AREL1: variants seen among roughly 807,000 people sequenced by gnomAD.
The protein encoded by AREL1 is apoptosis-resistant E3 ubiquitin protein ligase 1.
A neutral mutation model predicts 99.0 loss-of-function variants in AREL1; 62 were observed. The ratio of observed to expected loss-of-function variants is 0.63; its 90% CI spans 0.51 to 0.77. The LOEUF (loss-of-function observed/expected upper bound fraction) is 0.77, where lower values mean the gene tolerates loss of function less well. Ranked by LOEUF, AREL1 falls within the 30% of genes least tolerant of loss-of-function variation. AREL1 has a pLI of 0.00. For missense variants in AREL1, 879 were observed against 1,027.6 expected, an observed-to-expected ratio of 0.86 and a Z score of 1.98; for synonymous variants, 380 against 376.5, an observed-to-expected ratio of 1.01 and a Z score of -0.11.
At chr14:74,675,346 T>C (rs957446580) in intron 8 of AREL1, among the ~76,000 whole-genome samples, 3 of 152,168 alleles carry the variant, frequency 2.0e-5, no homozygotes, top group Non-Finnish European at 2.9e-5. Context: ...GAAAAACAAA[T>C]ATTAAAAAGA....
intron 1 of AREL1, among the ~76,000 whole-genome samples, chr14:74,708,417 T>C (rs1266849165): frequency 6.6e-6 from 1 of 152,172 alleles, no homozygotes; most frequent in Non-Finnish European, 1.5e-5. Flanking sequence ...ATTTCTTCTT[T>C]ACCAAGACAT....
chr14:74,698,564 C>G (rs971695472), intron 1 of AREL1, among the ~76,000 whole-genome samples: 5 of 152,166 alleles, frequency 3.3e-5, no homozygotes, highest in African/African-American at 1.2e-4. Context: ...ATAAATAAGA[C>G]AGGGTGCTTT....
intron 17 of AREL1, among the ~76,000 whole-genome samples, chr14:74,665,596 G>T (rs774912033): frequency 1.7e-4 from 26 of 152,042 alleles, no homozygotes; most frequent in Non-Finnish European, 2.5e-4. Flanking sequence ...TTTTTCTTAG[G>T]ATGCATTCTT....
intron 15 of AREL1, 75 bp downstream of exon 15, chr14:74,669,574 A>G: frequency 5.2e-6 from 8 of 1,525,700 alleles, no homozygotes; most frequent in South Asian, 2.5e-5. Flanking sequence ...ACCACTGCAG[A>G]AAGTTCTCTT....
At chr14:74,665,628 C>A (rs145855072) in intron 17 of AREL1, among the ~76,000 whole-genome samples, 3 of 152,148 alleles carry the variant, frequency 2.0e-5, no homozygotes, top group Non-Finnish European at 2.9e-5. Flanking sequence ...ACTTTTACTA[C>A]CTTCCCTTCA....
At chr14:74,688,059 A>G (rs1256139554) in intron 2 of AREL1, among the ~76,000 whole-genome samples, 2 of 126,498 alleles carry the variant, frequency 1.6e-5, no homozygotes, top group Non-Finnish European at 3.2e-5. Flanking sequence ...GGAGTCTCAC[A>G]CTGTCACCCA....
rs562554851 is a variant in AREL1, at chr14:74,678,323, C to G, written c.482-1571G>C. 32 of 397,240 alleles carry G rather than the reference C, an allele frequency of 8.1e-5. 1 individual carries two copies. Among genetic ancestry groups the G allele is most frequent in the African/African-American group, 5.1e-4 (24 of 46,616 alleles). 24.6% of individuals were successfully genotyped at this position (397,240 alleles called of 1,614,324 possible). On this transcript the variant is annotated intron_variant, in intron 5 of 19. Coordinates refer to ENST00000356357, the MANE Select transcript of AREL1 (RefSeq NM_001039479.2). ...ACCACCCTGGGCAACATAGTGAGACCCTATTCCTACAAAAAAGATAAAAAA... is the reference window on the plus strand; with the variant it reads ...ACCACCCTGGGCAACATAGTGAGACGCTATTCCTACAAAAAAGATAAAAAA...
Position 74,663,654 on chromosome 14 carries a change from G to C in AREL1, c.*66C>G. ...TATGTGTGTTAGGATCAGTGGTTAT[G>C]ATGTCTGTAACTTGCGCCCAGAAGC... On this transcript the variant is annotated 3_prime_UTR_variant, in exon 20 of 20. Coordinates refer to ENST00000356357, the MANE Select transcript of AREL1 (RefSeq NM_001039479.2). The C allele has an allele frequency of 6.9e-7, 1 of 1,441,874 alleles. No homozygotes were observed. Among genetic ancestry groups the C allele is most frequent in the Non-Finnish European group, 9.8e-7 (1 of 1,025,342 alleles). 89.3% of individuals were successfully genotyped at this position (1,441,874 alleles called of 1,614,324 possible). A position where few individuals can be genotyped will look rare whatever the true frequency, so the allele number is the denominator to read the frequency against.
At chr14:74,672,072 A>T in intron 11 of AREL1, 3 of 432,840 alleles carry the variant, frequency 6.9e-6, no homozygotes, top group Non-Finnish European at 1.4e-5. Flanking sequence ...ACAGACACAC[A>T]TCAGGTGTTC....
chr14:74,664,889 C>G lies in AREL1; in HGVS notation c.2140G>C (p.Asp714His). Reference protein sequence around the residue: ...MCGTGDISVSDFKAHAVVVGG... With the variant: ...MCGTGDISVSHFKAHAVVVGG... ...ACAACTACTGCATGGGCTTTGAAGTCAGACACACTGATGTCTCCAGTCCCA... is the reference window on the plus strand; with the variant it reads ...ACAACTACTGCATGGGCTTTGAAGTGAGACACACTGATGTCTCCAGTCCCA... Residue 714 changes from aspartate to histidine, a missense_variant, in exon 18 of 20, where the codon GAC becomes CAC. Transcript: ENST00000356357. 6.2e-7 allele frequency: 1 copy of G among 1,613,874 alleles called. No individual in the cohort carries two copies. Among genetic ancestry groups the G allele is most frequent in the Non-Finnish European group, 8.5e-7 (1 of 1,179,844 alleles).
chr14:74,701,392 G>GAAGGTGA (rs2090083023), intron 1 of AREL1, among the ~76,000 whole-genome samples: 1 of 152,242 alleles, frequency 6.6e-6, no homozygotes, highest in Non-Finnish European at 1.5e-5. Flanking sequence ...AATCACGGTG[G>GAAGGTGA]AAGGTGAAAG....
intron 1 of AREL1, among the ~76,000 whole-genome samples, chr14:74,695,411 G>C (rs2089965409): frequency 6.6e-6 from 1 of 152,016 alleles, no homozygotes; most frequent in Admixed American, 6.6e-5. Context: ...TATGATGTTA[G>C]CAGGTTTCCA....
Position 74,673,221 on chromosome 14 carries a change from G to A in AREL1, c.1159-3C>T, listed in dbSNP as rs764709322. 6.2e-7 allele frequency: 1 copy of A among 1,613,282 alleles called. No individual in the cohort carries two copies. The highest frequency in any genetic ancestry group is 1.3e-5 in the African/African-American group (1 of 74,874). On this transcript the variant is annotated splice_region_variant and splice_polypyrimidine_tract_variant and intron_variant, in intron 9 of 19. Coordinates refer to ENST00000356357, the MANE Select transcript of AREL1 (RefSeq NM_001039479.2). ...GGGTCAGGACCAAGGTATGAAAACT[G>A]GTAAAGAAAAACAAAGAAATTAATC...
chr14:74,683,228 G>A, intron 5 of AREL1, 68 bp downstream of exon 5: 1 of 1,149,724 alleles, frequency 8.7e-7, no homozygotes, highest in Non-Finnish European at 1.3e-6. Context: ...TTTTTAAAAA[G>A]GAAAGACAGG....
In AREL1 at chr14:74,670,037, G is replaced by A. The variant is rs1469194194; in HGVS notation, c.1698C>T (p.Ser566=). ...ACTGCTTGTAGGCTCCTCCTAGAGA[G>A]GACTCATAGAGACACTTGCCCACGA... ...GRLVGKCLYE[S]SLGGAYKQLV... Residue 566 remains serine, a synonymous_variant, in exon 14 of 20, where the codon TCC becomes TCT. Coordinates refer to ENST00000356357, the MANE Select transcript of AREL1 (RefSeq NM_001039479.2). The A allele has an allele frequency of 1.2e-6, 2 of 1,614,094 alleles. No homozygotes were observed. Among genetic ancestry groups the A allele is most frequent in the Non-Finnish European group, 8.5e-7 (1 of 1,179,990 alleles).
At chr14:74,669,611 G>A in intron 15 of AREL1, 38 bp downstream of exon 15, 1 of 1,602,856 alleles carries the variant, frequency 6.2e-7, no homozygotes, top group Non-Finnish European at 8.5e-7. Context: ...CAGGAAACTG[G>A]AGAACATAGG....
intron 1 of AREL1, among the ~76,000 whole-genome samples, chr14:74,700,635 C>A (rs1194088309): frequency 6.6e-6 from 1 of 152,072 alleles, no homozygotes; most frequent in African/African-American, 2.4e-5. Context: ...AAAAAATTAG[C>A]CGGGCATGGT....
intron 2 of AREL1, among the ~76,000 whole-genome samples, chr14:74,691,526 AT>A (rs2089880318): frequency 6.6e-6 from 1 of 152,184 alleles, no homozygotes; most frequent in Admixed American, 6.5e-5. Flanking sequence ...CAAGGCTAAA[AT>A]TAGAAAGATA....
chr14:74,676,376 C>T (rs2139890826), intron 6 of AREL1, 55 bp from the exon 7 acceptor site: 3 of 1,563,552 alleles, frequency 1.9e-6, no homozygotes, highest in Non-Finnish European at 2.6e-6. Context: ...CATTTACAAG[C>T]CACTTTACTC....
Sources: allele counts gnomAD v4.1 joint callset (sites outside exome capture counted in the v4.1 genomes callset), GRCh38; gene constraint gnomAD v4.1.1; transcripts MANE v1.5; gene names NCBI Gene and HGNC (gene_info 2026-07-23, HGNC 2026-07-21).